The following ZNF438 variants were observed in gnomAD, a reference collection of about 807,000 sequenced individuals.
ZNF438 encodes zinc finger protein 438.
In ZNF438, 25 loss-of-function variants were observed where a neutral mutation model predicts 38.0. The ratio of observed to expected loss-of-function variants is 0.66; its 90% CI spans 0.48 to 0.92. The LOEUF (loss-of-function observed/expected upper bound fraction) is 0.92, where lower values mean the gene tolerates loss of function less well. ZNF438 is among the 40% of genes least tolerant of loss of function. The probability of loss-of-function intolerance (pLI) is 0.00; values close to 1 mark genes in which losing one functional copy is unlikely to be tolerated. For synonymous variants in ZNF438, 372 were observed against 364.1 expected (o/e 1.02, Z -0.25); for missense variants, 1,007 against 999.6 (o/e 1.01, Z -0.10).
At chr10:30,965,907 T>C (rs1315315901) in intron 1 of ZNF438, among the ~76,000 whole-genome samples, 2 of 152,114 alleles carry the variant, frequency 1.3e-5, no homozygotes, top group African/African-American at 2.4e-5. Flanking sequence ...ATGTAACCCC[T>C]GAATCTAAAA....
chr10:31,001,228 AC>A lies in ZNF438; in HGVS notation c.-192+30604del, dbSNP rs527359410. 1.6e-4 allele frequency among the ~76,000 whole-genome samples: 25 copies of A among 152,376 alleles called. No individual in the cohort carries two copies. In the South Asian group the frequency reaches 5.2e-3, roughly 32 times the overall value. ...GATACTCAAAAAATGTTTTAAAAAAACAACTACCATTTATATTTGACATTAT... is the reference window on the plus strand; with the variant it reads ...GATACTCAAAAAATGTTTTAAAAAAAAACTACCATTTATATTTGACATTAT... On this transcript the variant is annotated intron_variant, in intron 1 of 5. Coordinates refer to ENST00000413025, the Ensembl canonical transcript of ZNF438.
chr10:30,890,675 C>T (rs1013889294), intron 3 of ZNF438, among the ~76,000 whole-genome samples: 2 of 152,170 alleles, frequency 1.3e-5, no homozygotes, highest in African/African-American at 2.4e-5. Flanking sequence ...TTTTACTTTG[C>T]AATCTAAAAA....
intron 1 of ZNF438, among the ~76,000 whole-genome samples, chr10:30,982,092 TCTC>T (rs372107410): frequency 1.1e-4 from 6 of 55,250 alleles, no homozygotes; most frequent in Non-Finnish European, 2.3e-4. Flanking sequence ...CCATCCTTTT[TCTC>T]TTTCTTTTTT....
intron 4 of ZNF438, among the ~76,000 whole-genome samples, chr10:30,861,322 G>A (rs1374816835): frequency 6.6e-6 from 1 of 152,136 alleles, no homozygotes; most frequent in African/African-American, 2.4e-5. Context: ...GGAAAAAAAT[G>A]TCTATACATA....
rs552144171 is a variant in ZNF438, at chr10:30,857,605, T to C, written c.38-7238A>G. 1,232 of 1,199,112 alleles carry C rather than the reference T, an allele frequency of 1.0e-3. 24 individuals carry two copies. In the South Asian group the frequency reaches 0.016, roughly 16 times the overall value. The allele number at this position is 1,199,112 out of a possible 1,614,324, so 74.3% of individuals were successfully genotyped here. ...TACTAACTTTCTGAAAGCCCACTTA[T>C]TAGAGATAACTCACAGAAAATTAAT... On this transcript the variant is annotated intron_variant, in intron 4 of 5. Transcript: ENST00000413025.
At chr10:30,986,953 C>A (rs2052876345) in intron 1 of ZNF438, among the ~76,000 whole-genome samples, 1 of 152,058 alleles carries the variant, frequency 6.6e-6, no homozygotes, top group African/African-American at 2.4e-5. Context: ...ATAGAAAGAA[C>A]AATGTTCTTA....
At chr10:30,937,842 T>C (rs1167243644) in intron 2 of ZNF438, among the ~76,000 whole-genome samples, 3 of 152,330 alleles carry the variant, frequency 2.0e-5, no homozygotes, top group East Asian at 1.9e-4. Flanking sequence ...AAACACCAAT[T>C]TGATCATGTC....
At chr10:30,851,809 T>C (rs1046002808) in intron 4 of ZNF438, among the ~76,000 whole-genome samples, 6 of 152,156 alleles carry the variant, frequency 3.9e-5, no homozygotes, top group Non-Finnish European at 8.8e-5. Flanking sequence ...GACTGAACAC[T>C]ATCTGTTAGA....
At chr10:30,981,487 C>G (rs2994644) in intron 1 of ZNF438, among the ~76,000 whole-genome samples, 114,601 of 152,098 alleles carry the variant, frequency 0.75, 44,224 homozygotes, top group African/African-American at 0.9. Context: ...GGAGACAGCT[C>G]TTCTCTCTCA....
At chr10:30,862,208 T>C (rs1356494537) in intron 4 of ZNF438, among the ~76,000 whole-genome samples, 1 of 152,124 alleles carries the variant, frequency 6.6e-6, no homozygotes, top group African/African-American at 2.4e-5. Context: ...CTGGTGAACA[T>C]GGAAACATCC....
exon 5 of ZNF438, chr10:30,849,016 G>A (rs771287350): frequency 1.2e-6 from 2 of 1,614,078 alleles, no homozygotes; most frequent in Non-Finnish European, 1.7e-6. Flanking sequence ...CCTGTCCTAG[G>A]CCCCCAAGCA....
At chr10:30,971,350 C>G (rs2050719047) in intron 1 of ZNF438, among the ~76,000 whole-genome samples, 1 of 152,050 alleles carries the variant, frequency 6.6e-6, no homozygotes, top group South Asian at 2.1e-4. Context: ...TTAAAATGAA[C>G]CAGCAATCAA....
chr10:30,988,452 A>C (rs1432323838), intron 1 of ZNF438, among the ~76,000 whole-genome samples: 1 of 152,012 alleles, frequency 6.6e-6, no homozygotes, highest in Non-Finnish European at 1.5e-5. Context: ...GGAGCTCCTT[A>C]GTACTTTCTA....
intron 1 of ZNF438, among the ~76,000 whole-genome samples, chr10:30,972,670 C>A (rs867688434): frequency 3.9e-5 from 6 of 152,048 alleles, no homozygotes; most frequent in Middle Eastern, 3.2e-3. Context: ...ATATTACAGG[C>A]CTCTACTGTT....
chr10:31,028,440 T>C (rs1437845213), intron 1 of ZNF438, among the ~76,000 whole-genome samples: 1 of 152,242 alleles, frequency 6.6e-6, no homozygotes, highest in Admixed American at 6.5e-5. Context: ...CAAATAAAGC[T>C]AATGCAAATA....
At chr10:31,013,334 C>G (rs1346692562) in intron 1 of ZNF438, among the ~76,000 whole-genome samples, 1 of 152,030 alleles carries the variant, frequency 6.6e-6, no homozygotes, top group Non-Finnish European at 1.5e-5. Context: ...AAAAAAATCC[C>G]CAACTGCACA....
intron 1 of ZNF438, among the ~76,000 whole-genome samples, chr10:30,950,931 CAG>C (rs1175080039): frequency 1.5e-5 from 2 of 132,424 alleles, no homozygotes; most frequent in African/African-American, 5.9e-5. Context: ...CAAAGCCGGG[CAG>C]AGACACAACA....
At chr10:30,960,068 A>C (rs2049300840) in intron 1 of ZNF438, among the ~76,000 whole-genome samples, 1 of 146,566 alleles carries the variant, frequency 6.8e-6, no homozygotes, top group Non-Finnish European at 1.5e-5. Flanking sequence ...GCTATTAATC[A>C]CTCTCATGTC....
chr10:30,936,206 C>T (rs2046239967), intron 2 of ZNF438, among the ~76,000 whole-genome samples: 1 of 152,132 alleles, frequency 6.6e-6, no homozygotes, highest in Admixed American at 6.5e-5. Flanking sequence ...TGCTCATTTG[C>T]AAAATGGAGT....
Sources: allele counts gnomAD v4.1 joint callset (sites outside exome capture counted in the v4.1 genomes callset), GRCh38; gene constraint gnomAD v4.1.1; transcripts MANE v1.5; gene names NCBI Gene and HGNC (gene_info 2026-07-23, HGNC 2026-07-21).